The following LSAMP variants were observed in gnomAD, a reference collection of about 807,000 sequenced individuals.
LSAMP encodes the protein limbic system-associated membrane protein.
LSAMP carries 7 observed loss-of-function variants against 38.6 expected under a neutral mutation model. The observed-to-expected ratio is 0.18, with a 90% confidence interval of 0.10 to 0.34. LSAMP has a LOEUF of 0.34. LSAMP is among the 10% of genes least tolerant of loss of function. LSAMP has a pLI of 1.00. For synonymous variants in LSAMP, 154 were observed against 166.8 expected, an observed-to-expected ratio of 0.92 and a Z score of 0.59; for missense variants, 313 against 420.0, an observed-to-expected ratio of 0.75 and a Z score of 2.23.
chr3:115,939,584 C>CTTTCTT (rs1576237854), intron 3 of LSAMP, among the ~76,000 whole-genome samples: 3 of 131,802 alleles, frequency 2.3e-5, no homozygotes, highest in Admixed American at 7.6e-5. Context: ...TTCTTTCTTT[C>CTTTCTT]TGTTAAGAGA....
chr3:116,185,498 A>G (rs565277061), intron 1 of LSAMP, among the ~76,000 whole-genome samples: 39 of 152,102 alleles, frequency 2.6e-4, no homozygotes, highest in African/African-American at 8.9e-4. Flanking sequence ...ATTCTATCAT[A>G]CTGGGTTTTC....
At chr3:116,044,384 G>A (rs564079401) in intron 2 of LSAMP, among the ~76,000 whole-genome samples, 1 of 152,172 alleles carries the variant, frequency 6.6e-6, no homozygotes, top group African/African-American at 2.4e-5. Context: ...ACAGAAAAAA[G>A]CATTAGTAAC....
intron 1 of LSAMP, among the ~76,000 whole-genome samples, chr3:116,377,685 A>C (rs553430831): frequency 1.3e-5 from 2 of 152,100 alleles, no homozygotes; most frequent in South Asian, 4.1e-4. Flanking sequence ...AATTTCTTCT[A>C]AGTCATGGCC....
chr3:116,305,948 T>A (rs1317707053), intron 1 of LSAMP, among the ~76,000 whole-genome samples: 1 of 139,524 alleles, frequency 7.2e-6, no homozygotes, highest in Non-Finnish European at 1.6e-5. Context: ...TTTTTTTTTT[T>A]ACTATATAAT....
chr3:116,401,055 G>A (rs138275977), intron 1 of LSAMP, among the ~76,000 whole-genome samples: 23 of 152,238 alleles, frequency 1.5e-4, no homozygotes, highest in East Asian at 7.7e-4. Context: ...CTTTAGCTGC[G>A]TATTTTCCTA....
intron 1 of LSAMP, among the ~76,000 whole-genome samples, chr3:116,203,801 T>A (rs1360695657): frequency 1.3e-5 from 2 of 152,170 alleles, no homozygotes; most frequent in Non-Finnish European, 2.9e-5. Context: ...AGTCTATTAT[T>A]GTTGGACATT....
intron 2 of LSAMP, among the ~76,000 whole-genome samples, chr3:116,075,137 C>A (rs1707708604): frequency 2.2e-5 from 2 of 89,772 alleles, no homozygotes; most frequent in African/African-American, 5.1e-5. Flanking sequence ...TGCACCCAGC[C>A]ATTTTTTTTT....
At position 115,810,417 on chromosome 3, in the gene LSAMP, G is replaced by A. The variant is rs752214553; in HGVS notation, c.920-3C>T. ...TATTCCTCTCACCGACCCAGGTCCT[G>A]CAGAGCAAAAGAGGAGAGAGAAAAA... is the stretch of plus-strand genomic sequence containing the variant. On this transcript the variant is annotated splice_region_variant and splice_polypyrimidine_tract_variant and intron_variant, in intron 6 of 6. Transcript: ENST00000490035. 6.2e-7 allele frequency: 1 copy of A among 1,606,086 alleles called. No individual in the cohort carries two copies. The highest frequency in any genetic ancestry group is 8.5e-7 in the Non-Finnish European group (1 of 1,173,250).
chr3:116,152,453 C>T (rs892922163), intron 1 of LSAMP, among the ~76,000 whole-genome samples: 1 of 152,104 alleles, frequency 6.6e-6, no homozygotes. Flanking sequence ...GTTTCACTGC[C>T]TGTACTGTTA....
chr3:116,250,824 G>A (rs530077325), intron 1 of LSAMP, among the ~76,000 whole-genome samples: 106 of 152,268 alleles, frequency 7.0e-4, no homozygotes, highest in African/African-American at 2.3e-3. Context: ...AGCAGAGATC[G>A]TGCCACTGCA....
At chr3:116,341,130 T>C (rs377413057) in intron 1 of LSAMP, among the ~76,000 whole-genome samples, 2 of 151,978 alleles carry the variant, frequency 1.3e-5, no homozygotes, top group Non-Finnish European at 2.9e-5. Flanking sequence ...AAGTAATGCA[T>C]AGATAAAATG....
chr3:115,935,256 T>C (rs1937659965), intron 3 of LSAMP, among the ~76,000 whole-genome samples: 1 of 152,198 alleles, frequency 6.6e-6, no homozygotes, highest in South Asian at 2.1e-4. Flanking sequence ...TGCTCAGTTT[T>C]AGATGGAAGG....
intron 2 of LSAMP, among the ~76,000 whole-genome samples, chr3:116,031,538 C>CTTTTTTTTTTTTTTT (rs56951507): frequency 1.8e-4 from 11 of 60,278 alleles, no homozygotes; most frequent in Non-Finnish European, 2.5e-4. Context: ...AGCCTAAATT[C>CTTTTTTTTTTTTTTT]TTTTTTTTTT....
intron 1 of LSAMP, among the ~76,000 whole-genome samples, chr3:116,367,111 A>G (rs1377815069): frequency 6.6e-6 from 1 of 152,190 alleles, no homozygotes; most frequent in Non-Finnish European, 1.5e-5. Flanking sequence ...GATCAGATTA[A>G]TGCTAAGATA....
chr3:115,964,636 A>T (rs929934995), intron 3 of LSAMP, among the ~76,000 whole-genome samples: 2 of 152,164 alleles, frequency 1.3e-5, no homozygotes, highest in Non-Finnish European at 2.9e-5. Flanking sequence ...AATTGTCTAT[A>T]TAAAAACACA....
chr3:116,257,407 C>G (rs913072100), intron 1 of LSAMP, among the ~76,000 whole-genome samples: 17 of 151,996 alleles, frequency 1.1e-4, no homozygotes, highest in African/African-American at 3.6e-4. Flanking sequence ...TCTCTTGTGT[C>G]TTTTCTGCTT....
At chr3:116,284,758 G>C (rs891011623) in intron 1 of LSAMP, among the ~76,000 whole-genome samples, 5 of 152,182 alleles carry the variant, frequency 3.3e-5, no homozygotes, top group African/African-American at 1.2e-4. Context: ...GAACACAAAG[G>C]ATGGTTTCCA....
chr3:115,988,927 C>T (rs371599008), intron 3 of LSAMP, among the ~76,000 whole-genome samples: 9 of 152,052 alleles, frequency 5.9e-5, no homozygotes, highest in Non-Finnish European at 1.2e-4. Flanking sequence ...CTTTCATTCT[C>T]GAGGATGTTT....
chr3:115,917,753 T>G (rs1937285797), intron 3 of LSAMP, among the ~76,000 whole-genome samples: 1 of 152,074 alleles, frequency 6.6e-6, no homozygotes, highest in East Asian at 1.9e-4. Context: ...ATACTCAAAA[T>G]GGAATGGGAT....
Sources: allele counts gnomAD v4.1 joint callset (sites outside exome capture counted in the v4.1 genomes callset), GRCh38; gene constraint gnomAD v4.1.1; transcripts MANE v1.5; gene names NCBI Gene and HGNC (gene_info 2026-07-23, HGNC 2026-07-21).